The following SGCZ variants were observed in gnomAD, a reference collection of about 807,000 sequenced individuals.
The protein encoded by SGCZ is zeta-sarcoglycan.
In SGCZ, 40 loss-of-function variants were observed where a neutral mutation model predicts 41.3. The observed-to-expected ratio is 0.97, with a 90% CI of 0.75 to 1.26. The LOEUF is 1.26. Among genes scored for constraint, SGCZ ranks in the 50% most tolerant of loss-of-function variants. SGCZ has a pLI of 0.00. For missense variants in SGCZ, 552 were observed against 369.8 expected (o/e 1.49, Z -4.04); for synonymous variants, 206 against 137.5 (o/e 1.50, Z -3.49).
chr8:14,116,595 G>T (rs930022846), intron 5 of SGCZ, among the ~76,000 whole-genome samples: 29 of 152,060 alleles, frequency 1.9e-4, no homozygotes, highest in African/African-American at 7.0e-4. Context: ...ATCAGAACAT[G>T]TGTGTTAATG....
chr8:14,853,121 C>G (rs540701043), intron 1 of SGCZ, among the ~76,000 whole-genome samples: 1 of 152,106 alleles, frequency 6.6e-6, no homozygotes, highest in African/African-American at 2.4e-5. Flanking sequence ...TTAAAGCATG[C>G]ATATAAAACT....
chr8:14,812,507 A>G (rs1801766831), intron 1 of SGCZ, among the ~76,000 whole-genome samples: 1 of 152,172 alleles, frequency 6.6e-6, no homozygotes, highest in South Asian at 2.1e-4. Context: ...TCACACGTGA[A>G]CATTTCAGTC....
intron 1 of SGCZ, among the ~76,000 whole-genome samples, chr8:14,881,776 A>G (rs921197874): frequency 6.6e-6 from 1 of 152,212 alleles, no homozygotes; most frequent in Non-Finnish European, 1.5e-5. Context: ...AACAGAATAT[A>G]CATTTTCTCA....
At chr8:14,672,495 T>C (rs1382275739) in intron 1 of SGCZ, among the ~76,000 whole-genome samples, 1 of 152,226 alleles carries the variant, frequency 6.6e-6, no homozygotes, top group Non-Finnish European at 1.5e-5. Context: ...TATTAGAATA[T>C]ATGTTTTAAA....
chr8:14,791,250 G>C (rs967283819), intron 1 of SGCZ, among the ~76,000 whole-genome samples: 1 of 151,620 alleles, frequency 6.6e-6, no homozygotes, highest in Admixed American at 6.6e-5. Context: ...ACTTCTTTTA[G>C]TTTGCCAGAG....
At chr8:14,643,149 G>C (rs1184737676) in intron 1 of SGCZ, among the ~76,000 whole-genome samples, 2 of 151,496 alleles carry the variant, frequency 1.3e-5, no homozygotes, top group African/African-American at 4.8e-5. Context: ...TAGCAAAATA[G>C]ATGAAGGGGA....
At chr8:14,349,842 C>T (rs1055115482) in intron 2 of SGCZ, among the ~76,000 whole-genome samples, 1 of 152,080 alleles carries the variant, frequency 6.6e-6, no homozygotes, top group Non-Finnish European at 1.5e-5. Flanking sequence ...TAAAAAAGTT[C>T]TATGACCAAA....
intron 1 of SGCZ, among the ~76,000 whole-genome samples, chr8:14,664,527 T>C (rs559793289): frequency 7.2e-5 from 11 of 152,112 alleles, no homozygotes; most frequent in African/African-American, 2.7e-4. Context: ...GAATCAAGAT[T>C]TGAGCAGAGA....
intron 1 of SGCZ, among the ~76,000 whole-genome samples, chr8:14,702,774 T>TAGATAGAC (rs879869773): frequency 1.5e-5 from 2 of 136,414 alleles, no homozygotes; most frequent in African/African-American, 5.2e-5. Context: ...GATAGATAGA[T>TAGATAGAC]AGATAGACAG....
At chr8:14,927,223 C>T (rs1369522620) in intron 1 of SGCZ, among the ~76,000 whole-genome samples, 1 of 150,646 alleles carries the variant, frequency 6.6e-6, no homozygotes, top group Non-Finnish European at 1.5e-5. Flanking sequence ...ATTCTCCTGC[C>T]TCACCCTCCG....
intron 3 of SGCZ, among the ~76,000 whole-genome samples, chr8:14,244,143 TTCTTCCTCCTCCTCTTCC>T (rs1452434577): frequency 0.01 from 6 of 588 alleles, no homozygotes; most frequent in African/African-American, 0.043. Context: ...CTTTTCTTCC[TTCTTCCTCCTCCTCTTCC>T]TTCTTCCTCC....
At chr8:14,526,532 A>T (rs970013059) in intron 2 of SGCZ, among the ~76,000 whole-genome samples, 4 of 152,176 alleles carry the variant, frequency 2.6e-5, no homozygotes, top group South Asian at 4.1e-4. Context: ...CACACATTGT[A>T]TACTCCTTCT....
rs546680092 is a variant in SGCZ, at chr8:14,557,923, G to C, written c.40-2997C>G. 9.9e-5 allele frequency among the ~76,000 whole-genome samples: 15 copies of C among 152,170 alleles called. No homozygotes were observed. In the South Asian group the frequency reaches 2.7e-3, roughly 27 times the overall value. On this transcript the variant is annotated intron_variant, in intron 1 of 7. Coordinates refer to ENST00000382080, the MANE Select transcript of SGCZ (RefSeq NM_139167.4). ...AATAAAATTGATAGGCCATTAGCAA[G>C]ATTAACCAAGAAAAGAATAGCGAAG...
At chr8:14,419,922 A>G (rs1215476530) in intron 2 of SGCZ, among the ~76,000 whole-genome samples, 3 of 152,042 alleles carry the variant, frequency 2.0e-5, no homozygotes, top group Admixed American at 6.6e-5. Context: ...TACCTTTTTC[A>G]TCCCCCATGT....
intron 2 of SGCZ, among the ~76,000 whole-genome samples, chr8:14,405,374 C>A (rs1261029333): frequency 1.3e-5 from 2 of 152,092 alleles, no homozygotes; most frequent in African/African-American, 2.4e-5. Flanking sequence ...CACACACATT[C>A]CATTAAGATT....
chr8:14,696,267 A>G (rs1293156780), intron 1 of SGCZ, among the ~76,000 whole-genome samples: 2 of 152,178 alleles, frequency 1.3e-5, no homozygotes, highest in Non-Finnish European at 1.5e-5. Flanking sequence ...ATTAAATACC[A>G]AATATGAGAA....
At chr8:14,933,084 A>G (rs1238677503) in intron 1 of SGCZ, among the ~76,000 whole-genome samples, 2 of 151,902 alleles carry the variant, frequency 1.3e-5, no homozygotes, top group Non-Finnish European at 2.9e-5. Context: ...AGGGCTGAAA[A>G]ACTGTTTTTC....
At chr8:14,433,392 T>A (rs1800000866) in intron 2 of SGCZ, among the ~76,000 whole-genome samples, 2 of 152,218 alleles carry the variant, frequency 1.3e-5, no homozygotes, top group Admixed American at 1.3e-4. Context: ...ACCACCACAA[T>A]GAATTGTTTA....
At chr8:14,551,499 T>TATATATA (rs1563404326) in intron 2 of SGCZ, among the ~76,000 whole-genome samples, 73 of 4,510 alleles carry the variant, frequency 0.016, 11 homozygotes, top group East Asian at 0.077. Flanking sequence ...TTATATATAT[T>TATATATA]ATATATATTA....
Sources: gnomAD v4.1 joint callset for allele counts (sites outside exome capture counted in the v4.1 genomes callset) on GRCh38, gnomAD v4.1.1 for gene constraint, MANE v1.5 for transcripts, NCBI Gene and HGNC (gene_info 2026-07-23, HGNC 2026-07-21) for gene names.